SORBS2: variants seen among roughly 807,000 people sequenced by gnomAD.
The protein encoded by SORBS2 is sorbin and SH3 domain-containing protein 2.
A neutral mutation model predicts 97.7 loss-of-function variants in SORBS2; 46 were observed. The observed-to-expected ratio is 0.47, with a 90% CI of 0.37 to 0.60. SORBS2 has a LOEUF of 0.60. SORBS2 is among the 20% of genes least tolerant of loss of function. The pLI is 0.00. For missense variants in SORBS2, 1,316 were observed against 1,282.3 expected (o/e 1.03, Z -0.40); for synonymous variants, 476 against 473.4 (o/e 1.01, Z -0.07).
chr4:185,665,750 T>A, intron 4 of SORBS2: 2 of 1,012,154 alleles, frequency 2.0e-6, no homozygotes, highest in Non-Finnish European at 1.2e-6. Context: ...GCCGCAGGGG[T>A]GGTTAAGGTG....
intron 4 of SORBS2, among the ~76,000 whole-genome samples, chr4:185,645,190 G>A (rs1302418028): frequency 6.6e-6 from 1 of 152,098 alleles, no homozygotes; most frequent in African/African-American, 2.4e-5. Context: ...GTTATCCTAA[G>A]AGTCTCATAA....
At chr4:185,912,451 G>C (rs1415497787) in intron 1 of SORBS2, among the ~76,000 whole-genome samples, 1 of 151,820 alleles carries the variant, frequency 6.6e-6, no homozygotes, top group Non-Finnish European at 1.5e-5. Flanking sequence ...TGGCTGTGGT[G>C]GTGGGCACCT....
At chr4:185,804,443 T>C (rs1415072103) in intron 1 of SORBS2, among the ~76,000 whole-genome samples, 4 of 152,224 alleles carry the variant, frequency 2.6e-5, no homozygotes, top group African/African-American at 9.6e-5. Context: ...TTCATTAACA[T>C]GATATAAAAA....
Position 185,838,057 on chromosome 4 carries a change from A to G in SORBS2, c.-337-62691T>C, listed in dbSNP as rs549488798. Among the ~76,000 whole-genome samples the G allele has an allele frequency of 1.3e-3, 205 of 152,256 alleles. 1 individual carries two copies. Among genetic ancestry groups the G allele is most frequent in the African/African-American group, 4.7e-3 (194 of 41,534 alleles). ...TACAGCTTCTTTTATAACATTTCCC[A>G]TTTGACACTAATTCCAACAGATGAT... On this transcript the variant is annotated intron_variant, in intron 1 of 20. Transcript: ENST00000284776.
chr4:185,823,984 C>A (rs966220863), intron 1 of SORBS2, among the ~76,000 whole-genome samples: 1 of 152,158 alleles, frequency 6.6e-6, no homozygotes, highest in Non-Finnish European at 1.5e-5. Context: ...ATACCTCTTA[C>A]AAGTTAGGTC....
At chr4:185,631,307 A>G (rs1197368757) in intron 4 of SORBS2, among the ~76,000 whole-genome samples, 1 of 152,272 alleles carries the variant, frequency 6.6e-6, no homozygotes, top group African/African-American at 2.4e-5. Context: ...TTTTTCCTTC[A>G]TTCTGAATAA....
intron 1 of SORBS2, among the ~76,000 whole-genome samples, chr4:185,870,550 A>G (rs2099229821): frequency 6.6e-6 from 1 of 152,230 alleles, no homozygotes; most frequent in African/African-American, 2.4e-5. Flanking sequence ...TGCTGTCAGC[A>G]TCTGAAAACG....
At chr4:185,892,727 C>T (rs914777149) in intron 1 of SORBS2, among the ~76,000 whole-genome samples, 3 of 152,080 alleles carry the variant, frequency 2.0e-5, no homozygotes, top group South Asian at 2.1e-4. Flanking sequence ...AAGTCAAACT[C>T]GCAGAGACAG....
At chr4:185,860,857 G>A (rs1485583484) in intron 1 of SORBS2, among the ~76,000 whole-genome samples, 3 of 152,116 alleles carry the variant, frequency 2.0e-5, no homozygotes, top group Non-Finnish European at 4.4e-5. Flanking sequence ...AAGAGGTCGT[G>A]GAAACCAAGG....
At chr4:185,865,429 A>G (rs1297405817) in intron 1 of SORBS2, among the ~76,000 whole-genome samples, 1 of 152,178 alleles carries the variant, frequency 6.6e-6, no homozygotes, top group East Asian at 1.9e-4. Context: ...TTGAAGTGTC[A>G]TATGCAAACC....
At chr4:185,657,460 G>A (rs541223870), upstream of SORBS2, 7 of 1,559,086 alleles carry the variant, frequency 4.5e-6, no homozygotes, top group African/African-American at 1.4e-5. Flanking sequence ...ATTCATCCAC[G>A]GGCCCGATCC....
At position 185,677,229 on chromosome 4, in the gene SORBS2, T is replaced by C. The variant is rs2097800149; in HGVS notation, c.-46+1194A>G. 10 of 1,551,680 alleles carry C rather than the reference T, an allele frequency of 6.4e-6. No individual in the cohort carries two copies. The East Asian group carries it at 2.4e-4, about 38-fold the overall frequency. ...GAGAAATGACGGTACTTCGACAGAT[T>C]TGGAGAACTGTGGAGTACTAATGGG... On this transcript the variant is annotated intron_variant, in intron 4 of 20. Transcript: ENST00000284776.
intron 2 of SORBS2, chr4:185,740,045 C>T (rs954648507): frequency 9.8e-5 from 15 of 152,750 alleles, no homozygotes; most frequent in Non-Finnish European, 1.5e-4. Flanking sequence ...GAGCCCAACA[C>T]GGTGAGTTTG....
intron 2 of SORBS2, among the ~76,000 whole-genome samples, chr4:185,758,717 C>T (rs2098845822): frequency 6.6e-6 from 1 of 152,198 alleles, no homozygotes; most frequent in Non-Finnish European, 1.5e-5. Context: ...TGGCACTCAC[C>T]CTTTCTTTCT....
intron 2 of SORBS2, among the ~76,000 whole-genome samples, chr4:185,725,703 AATTTT>A (rs1449503725): frequency 1.8e-4 from 27 of 152,232 alleles, no homozygotes; most frequent in Middle Eastern, 3.4e-3. Context: ...CTGTCGTTTT[AATTTT>A]ATTTTATCAA....
intron 12 of SORBS2, among the ~76,000 whole-genome samples, chr4:185,605,792 C>T (rs2096404216): frequency 6.6e-6 from 1 of 152,120 alleles, no homozygotes; most frequent in Middle Eastern, 3.2e-3. Flanking sequence ...ACCATGTTGG[C>T]CAGGCTGATC....
At chr4:185,662,993 A>G (rs1050630972) in intron 4 of SORBS2, among the ~76,000 whole-genome samples, 2 of 152,220 alleles carry the variant, frequency 1.3e-5, no homozygotes, top group African/African-American at 2.4e-5. Flanking sequence ...AATATTTTGT[A>G]TAACATGCAG....
At chr4:185,931,349 GA>G (rs1242231000) in intron 1 of SORBS2, among the ~76,000 whole-genome samples, 1 of 152,126 alleles carries the variant, frequency 6.6e-6, no homozygotes, top group Non-Finnish European at 1.5e-5. Context: ...TACTGCTAGA[GA>G]AAAAAATATT....
chr4:185,699,488 T>C (rs966172314), intron 2 of SORBS2, among the ~76,000 whole-genome samples: 4 of 152,124 alleles, frequency 2.6e-5, no homozygotes, highest in Admixed American at 2.0e-4. Flanking sequence ...GGTTTCACCA[T>C]GTTGGCCACA....
Sources: allele counts gnomAD v4.1 joint callset (sites outside exome capture counted in the v4.1 genomes callset), GRCh38; gene constraint gnomAD v4.1.1; transcripts MANE v1.5; gene names NCBI Gene and HGNC (gene_info 2026-07-23, HGNC 2026-07-21).